The following SLC12A3 variants were observed in gnomAD, a reference collection of about 807,000 sequenced individuals.
The protein encoded by SLC12A3 is solute carrier family 12 member 3.
A neutral mutation model predicts 121.0 loss-of-function variants in SLC12A3; 104 were observed. That is an observed-to-expected ratio of 0.86 (90% confidence interval 0.73 to 1.01). The LOEUF is 1.01. SLC12A3 is among the 50% of genes least tolerant of loss of function. The pLI is 0.00. For synonymous variants in SLC12A3, 536 were observed against 533.4 expected, an observed-to-expected ratio of 1.00 and a Z score of -0.07; for missense variants, 1,328 against 1,356.3, an observed-to-expected ratio of 0.98 and a Z score of 0.33.
chr16:56,879,541 G>A lies in SLC12A3; in HGVS notation c.1336-1G>A, dbSNP rs2144712491. ...AGTCCCTGAGCCCCAAATCCCCACA[G>A]ACCATGAGCATGGTGTCAGGCTTCG... On this transcript the variant is annotated splice_acceptor_variant, in intron 10 of 25. Coordinates refer to ENST00000563236, the MANE Select transcript of SLC12A3 (RefSeq NM_001126108.2). LOFTEE classifies it high-confidence loss of function. 3 of 1,612,076 alleles carry A rather than the reference G, an allele frequency of 1.9e-6. No individual in the cohort carries two copies. Among genetic ancestry groups the A allele is most frequent in the Non-Finnish European group, 2.5e-6 (3 of 1,178,526 alleles).
intron 23 of SLC12A3, among the ~76,000 whole-genome samples, chr16:56,901,573 C>A (rs2055539528): frequency 6.6e-6 from 1 of 152,176 alleles, no homozygotes; most frequent in Non-Finnish European, 1.5e-5. Context: ...CTTCTGACCT[C>A]AGGTGATCCG....
chr16:56,904,341 G>C, intron 24 of SLC12A3, 54 bp from the exon 25 acceptor site: 1 of 1,516,054 alleles, frequency 6.6e-7, no homozygotes. Flanking sequence ...CGTGGTGAAG[G>C]ATTGAGTGAC....
At chr16:56,905,068 G>A (rs148356605) in intron 25 of SLC12A3, among the ~76,000 whole-genome samples, 4 of 152,238 alleles carry the variant, frequency 2.6e-5, no homozygotes, top group East Asian at 1.9e-4. Context: ...GGCCGGGCAC[G>A]GTGGCTCATG....
rs2144743796 is a variant in SLC12A3, at chr16:56,892,957, C to T, written c.2424C>T (p.Asp808=). The part of the protein sequence containing the change: ...EDGKEASARV[D]PKALVKEEQA... ...ACCCGCCCCCACCTCCTGCAGTGGA[C>T]CCCAAGGCCCTGGTGAAGGAGGAGC... The change falls in exon 21 of 26, where the codon GAC becomes GAT. Residue 808 remains aspartate (D), a synonymous_variant. Coordinates refer to ENST00000563236, the MANE Select transcript of SLC12A3 (RefSeq NM_001126108.2). The T allele has an allele frequency of 6.2e-7, 1 of 1,613,978 alleles. No individual in the cohort carries two copies. The highest frequency in any genetic ancestry group is 8.5e-7 in the Non-Finnish European group (1 of 1,179,842).
chr16:56,866,345 C>G (rs1252768827), intron 1 of SLC12A3, among the ~76,000 whole-genome samples: 2 of 152,272 alleles, frequency 1.3e-5, no homozygotes, highest in East Asian at 1.9e-4. Flanking sequence ...TTTCTCCACC[C>G]CAGAGCAAAC....
intron 18 of SLC12A3, 54 bp from the exon 19 acceptor site, chr16:56,890,220 A>C: frequency 7.1e-7 from 1 of 1,405,866 alleles, no homozygotes; most frequent in South Asian, 1.2e-5. Flanking sequence ...GTGCCAGGTC[A>C]CCTCCCCAGT....
At chr16:56,869,862 T>G (rs777262294) in intron 4 of SLC12A3, 38 bp downstream of exon 4, 1 of 1,560,690 alleles carries the variant, frequency 6.4e-7, no homozygotes, top group Non-Finnish European at 8.8e-7. Flanking sequence ...CCTCCTCTCG[T>G]GGGCTCCTAA....
chr16:56,877,327 T>C (rs1196090395), intron 8 of SLC12A3, among the ~76,000 whole-genome samples: 1 of 151,424 alleles, frequency 6.6e-6, no homozygotes, highest in African/African-American at 2.4e-5. Flanking sequence ...ACCCAGAAGG[T>C]GGAGGTTGCA....
chr16:56,872,723 C>T lies in SLC12A3; in HGVS notation c.1032C>T (p.Phe344=). ...RGPDGTFFGM[F]SIFFPSATGI... is the part of the protein sequence containing the mutation. ...CAGATGGCACCTTCTTCGGAATGTT[C>T]TCCATCTTCTTCCCCTCGGCCACAG... Residue 344 remains phenylalanine (F), a synonymous_variant, in exon 8 of 26, where the codon TTC becomes TTT. Transcript: ENST00000563236. 6.2e-7 allele frequency: 1 copy of T among 1,614,246 alleles called. No individual in the cohort carries two copies. Among genetic ancestry groups the T allele is most frequent in the Non-Finnish European group, 8.5e-7 (1 of 1,180,022 alleles).
At position 56,888,026 on chromosome 16, in the gene SLC12A3, C is replaced by T. The variant is rs1379795487; in HGVS notation, c.2280C>T (p.Ile760=). The part of the protein sequence containing the change: ...HPATVEDYIG[I]LHDAFDFNYG... The stretch of plus-strand genomic sequence containing the variant: ...CCACAGTGGAAGACTACATTGGCAT[C>T]CTCCAGTGAGTCGGGGGAGAGGAAG... The change falls in exon 18 of 26, where the codon ATC becomes ATT. Residue 760 remains isoleucine, a synonymous_variant. Coordinates refer to ENST00000563236, the MANE Select transcript of SLC12A3 (RefSeq NM_001126108.2). 1 of 1,607,976 alleles carries T rather than the reference C, an allele frequency of 6.2e-7. No homozygotes were observed. The highest frequency in any genetic ancestry group is 8.5e-7 in the Non-Finnish European group (1 of 1,175,472).
rs2055220795 is a variant in SLC12A3 at position 56,880,203 on chromosome 16, T to C, written c.1517T>C (p.Val506Ala). The change falls in exon 12 of 26, where the codon GTG (valine) becomes GCG (alanine). Residue 506 changes from valine (V) to alanine (A), a missense_variant. Val to Ala is a moderately conservative substitution (Grantham distance 64, BLOSUM62 0). Transcript: ENST00000563236. The part of the protein sequence containing the change: ...GKGYGKNKEP[V>A]RGYLLAYAIA... The stretch of plus-strand genomic sequence containing the variant: ...GGCTATGGCAAGAACAAGGAGCCCG[T>C]GCGTGGCTACCTGCTGGCCTACGCC... 6.3e-7 allele frequency: 1 copy of C among 1,596,448 alleles called. No individual in the cohort carries two copies.
chr16:56,880,379 T>G (rs1309434262), intron 12 of SLC12A3, 126 bp downstream of exon 12: 1 of 1,194,866 alleles, frequency 8.4e-7, no homozygotes, highest in Non-Finnish European at 1.2e-6. Context: ...TAGTGGGCAC[T>G]AAGAGGCTAA....
chr16:56,893,922 C>CATGG (rs2055424339), intron 21 of SLC12A3, among the ~76,000 whole-genome samples: 1 of 148,880 alleles, frequency 6.7e-6, no homozygotes, highest in Admixed American at 6.7e-5. Context: ...GGACTACAGG[C>CATGG]GGCTGCCACC....
At chr16:56,874,305 G>T (rs2055140000) in intron 8 of SLC12A3, among the ~76,000 whole-genome samples, 1 of 152,212 alleles carries the variant, frequency 6.6e-6, no homozygotes, top group Non-Finnish European at 1.5e-5. Context: ...GGTTCCAGCA[G>T]AATTTCTGGG....
intron 8 of SLC12A3, among the ~76,000 whole-genome samples, chr16:56,875,570 C>A (rs1391495116): frequency 6.6e-6 from 1 of 152,068 alleles, no homozygotes; most frequent in Non-Finnish European, 1.5e-5. Context: ...ACAATTTCAT[C>A]ATCTAACAAA....
chr16:56,878,061 T>G lies in SLC12A3; in HGVS notation c.1096-16T>G, dbSNP rs1402484371. On this transcript the variant is annotated splice_polypyrimidine_tract_variant and intron_variant, in intron 8 of 25. Coordinates refer to ENST00000563236, the MANE Select transcript of SLC12A3 (RefSeq NM_001126108.2). ...CTCCCTCCCTCCCTCCCTCCCTCTC[T>G]CCCTCCCTCCTTCAGGACCCTGCTA... The G allele has an allele frequency of 1.0e-5, 4 of 384,470 alleles. No homozygotes were observed. The highest frequency in any genetic ancestry group is 1.4e-5 in the Non-Finnish European group (3 of 219,266). The allele number at this position is 384,470 out of a possible 1,614,324, so 23.8% of individuals were successfully genotyped here.
intron 11 of SLC12A3, among the ~76,000 whole-genome samples, chr16:56,879,902 A>G (rs1020746394): frequency 1.3e-5 from 2 of 152,066 alleles, no homozygotes; most frequent in Admixed American, 1.3e-4. Flanking sequence ...TCCACCATTC[A>G]AGCTCTACCC....
intron 4 of SLC12A3, 101 bp from the exon 5 acceptor site, chr16:56,869,995 C>T (rs1407273261): frequency 1.1e-5 from 17 of 1,495,990 alleles, no homozygotes; most frequent in East Asian, 9.0e-5. Context: ...TCTCCTGCCC[C>T]GTGGGTCCTG....
intron 25 of SLC12A3, among the ~76,000 whole-genome samples, chr16:56,910,815 C>T (rs891139): frequency 0.035 from 5,313 of 152,292 alleles, 332 homozygotes; most frequent in African/African-American, 0.12. Context: ...GATCTGAAGT[C>T]GCCTTTCTTT....
Sources: allele counts gnomAD v4.1 joint callset (sites outside exome capture counted in the v4.1 genomes callset), GRCh38; gene constraint gnomAD v4.1.1; transcripts MANE v1.5; gene names NCBI Gene and HGNC (gene_info 2026-07-23, HGNC 2026-07-21).